Variants in LAMB4 observed in about 807,000 individuals in gnomAD.
LAMB4 encodes laminin subunit beta-4.
LAMB4 carries 196 observed loss-of-function variants against 199.2 expected under a neutral mutation model. The ratio of observed to expected loss-of-function variants is 0.98; its 90% CI spans 0.88 to 1.11. The LOEUF (loss-of-function observed/expected upper bound fraction) is 1.11. LAMB4 is among the 50% of genes least tolerant of loss of function. The pLI is 0.00. For missense variants in LAMB4, 2,080 were observed against 2,171.2 expected (o/e 0.96, Z 0.83); for synonymous variants, 744 against 770.6 (o/e 0.97, Z 0.57).
At chr7:108,108,704 C>T (rs1019941138) in intron 5 of LAMB4, among the ~76,000 whole-genome samples, 20 of 151,088 alleles carry the variant, frequency 1.3e-4, no homozygotes, top group African/African-American at 2.2e-4. Flanking sequence ...CTTACCAAAA[C>T]GAGCATAAAG....
chr7:108,025,393 CTT>C (rs779525723), intron 33 of LAMB4, among the ~76,000 whole-genome samples: 1 of 71,998 alleles, frequency 1.4e-5, no homozygotes, highest in Non-Finnish European at 2.9e-5. Context: ...CTTTTCTTTT[CTT>C]TCTTTCTTTC....
chr7:108,122,803 A>T (rs7784634), intron 2 of LAMB4, among the ~76,000 whole-genome samples: 19,411 of 152,256 alleles, frequency 0.13, 4,006 homozygotes, highest in African/African-American at 0.43. Context: ...ATTGCTGGGA[A>T]AAGTGTTACA....
downstream of LAMB4, among the ~76,000 whole-genome samples, chr7:108,021,281 C>T (rs151212554): frequency 0.011 from 1,646 of 152,220 alleles, 14 homozygotes; most frequent in Non-Finnish European, 0.019. Flanking sequence ...CAGCTGGAGG[C>T]CAAGGTTTCA....
At chr7:108,085,015 A>T (rs1264941428) in intron 14 of LAMB4, among the ~76,000 whole-genome samples, 1 of 152,076 alleles carries the variant, frequency 6.6e-6, no homozygotes, top group East Asian at 1.9e-4. Flanking sequence ...CTGGGATCAC[A>T]AGTGTGAGCA....
At chr7:108,092,221 C>A in intron 13 of LAMB4, 116 bp downstream of exon 13, 1 of 748,702 alleles carries the variant, frequency 1.3e-6, no homozygotes, top group South Asian at 1.7e-5. Context: ...GTTAATGTCT[C>A]AAGATCATTG....
intron 23 of LAMB4, among the ~76,000 whole-genome samples, chr7:108,062,026 C>G (rs982608014): frequency 2.0e-5 from 3 of 151,904 alleles, no homozygotes; most frequent in African/African-American, 7.3e-5. Context: ...TTGTTTTTAC[C>G]CTTTCTCCCC....
chr7:108,100,446 T>A lies in LAMB4; in HGVS notation c.1181-1864A>T, dbSNP rs2037776059. Among the ~76,000 whole-genome samples, 4 of 152,342 alleles carry A rather than the reference T, an allele frequency of 2.6e-5. No individual in the cohort carries two copies. The South Asian group carries it at 8.3e-4, about 32-fold the overall frequency. On this transcript the variant is annotated intron_variant, in intron 10 of 33. Transcript: ENST00000388781. ...CATTTGTATATATACACATAAACAT[T>A]TGTTTAGGTAAACTGGGAGAAACTG...
intron 25 of LAMB4, among the ~76,000 whole-genome samples, chr7:108,054,663 T>C (rs1262260857): frequency 6.6e-6 from 1 of 152,112 alleles, no homozygotes; most frequent in Admixed American, 6.5e-5. Flanking sequence ...TTAGGAATCA[T>C]AGCATCTCTG....
At chr7:108,116,820 G>T (rs564374371) in intron 2 of LAMB4, among the ~76,000 whole-genome samples, 1 of 152,110 alleles carries the variant, frequency 6.6e-6, no homozygotes. Context: ...AGTGCGTGAG[G>T]CCAGGAGCTC....
intron 14 of LAMB4, among the ~76,000 whole-genome samples, chr7:108,081,467 T>C (rs2036938253): frequency 3.3e-5 from 5 of 152,236 alleles, no homozygotes; most frequent in African/African-American, 7.2e-5. Flanking sequence ...TCCTTTTCTC[T>C]ATCTTTTCTC....
intron 18 of LAMB4, 104 bp from the exon 19 acceptor site, chr7:108,068,263 T>A: frequency 3.6e-6 from 4 of 1,120,366 alleles, no homozygotes; most frequent in Non-Finnish European, 5.1e-6. Context: ...AAGACCTCTT[T>A]AATACTCAAC....
At chr7:108,042,937 C>CTGTGTGTGTG (rs754739499) in intron 29 of LAMB4, among the ~76,000 whole-genome samples, 7,209 of 140,246 alleles carry the variant, frequency 0.051, 353 homozygotes, top group African/African-American at 0.13. Context: ...CTCTCAATCT[C>CTGTGTGTGTG]TGTGTGTGTG....
chr7:108,095,383 C>G (rs1483956874), intron 11 of LAMB4, 46 bp from the exon 12 acceptor site: 3 of 1,375,004 alleles, frequency 2.2e-6, no homozygotes, highest in African/African-American at 1.4e-5. Context: ...AATTCCTCCA[C>G]TCTTGCAAGT....
chr7:108,091,840 G>A, intron 13 of LAMB4, 64 bp from the exon 14 acceptor site: 1 of 1,539,160 alleles, frequency 6.5e-7, no homozygotes, highest in Non-Finnish European at 8.9e-7. Flanking sequence ...GAAGGTGTAG[G>A]GGTGCTGGGC....
chr7:108,107,294 G>A (rs2038056437), intron 6 of LAMB4, among the ~76,000 whole-genome samples: 1 of 152,202 alleles, frequency 6.6e-6, no homozygotes, highest in Non-Finnish European at 1.5e-5. Context: ...ACAGAGTATG[G>A]GGATGAGATA....
chr7:108,050,262 C>T (rs2035785096), intron 26 of LAMB4, among the ~76,000 whole-genome samples: 1 of 152,170 alleles, frequency 6.6e-6, no homozygotes. Context: ...TTGTAGGTGC[C>T]TGTACTATAC....
chr7:108,063,882 A>G lies in LAMB4; in HGVS notation c.2940T>C (p.Asp980=). ...CACNNNIDVT[D]PESCSRVTGE... ...CTGTTACCCGGCTGCAGGACTCTGG[A>G]TCGGTTACATCTATGTTGTTGTTGC... Residue 980 remains aspartate, a synonymous_variant, in exon 22 of 34, where the codon GAT becomes GAC. Coordinates refer to ENST00000388781, the MANE Select transcript of LAMB4 (RefSeq NM_007356.3). 2.5e-6 allele frequency: 4 copies of G among 1,614,178 alleles called. No homozygotes were observed. Among genetic ancestry groups the G allele is most frequent in the East Asian group, 2.2e-5 (1 of 44,878 alleles).
At chr7:108,047,588 T>C (rs1377316094) in intron 28 of LAMB4, among the ~76,000 whole-genome samples, 1 of 152,228 alleles carries the variant, frequency 6.6e-6, no homozygotes, top group Non-Finnish European at 1.5e-5. Context: ...CAGTGGGCTA[T>C]TAGCAGTTAA....
At chr7:108,095,707 G>A (rs542919093) in intron 11 of LAMB4, among the ~76,000 whole-genome samples, 2 of 152,202 alleles carry the variant, frequency 1.3e-5, no homozygotes, top group East Asian at 1.9e-4. Flanking sequence ...CTCCTTCTCT[G>A]GCAGATGCAT....
Sources: allele counts gnomAD v4.1 joint callset (sites outside exome capture counted in the v4.1 genomes callset), GRCh38; gene constraint gnomAD v4.1.1; transcripts MANE v1.5; gene names NCBI Gene and HGNC (gene_info 2026-07-23, HGNC 2026-07-21).